Variants in PTPMT1 observed in about 807,000 individuals in gnomAD.
PTPMT1 encodes phosphatidylglycerophosphatase and protein-tyrosine phosphatase 1.
Under a neutral mutation model 17.8 loss-of-function variants are expected in PTPMT1, and 12 were observed. That is an observed-to-expected ratio of 0.67 (90% CI 0.43 to 1.09). PTPMT1 has a LOEUF of 1.09. Among genes scored for constraint, PTPMT1 ranks in the 50% least tolerant of loss-of-function variants. PTPMT1 has a pLI of 0.00. For missense variants in PTPMT1, 262 were observed against 266.0 expected, an observed-to-expected ratio of 0.99 and a Z score of 0.10; for synonymous variants, 132 against 116.8, an observed-to-expected ratio of 1.13 and a Z score of -0.84.
rs190373520 is a variant in PTPMT1 at position 47,568,573 on chromosome 11, T to C, written c.256-1127T>C. On this transcript the variant is annotated intron_variant, in intron 2 of 3. Coordinates refer to ENST00000326674, the MANE Select transcript of PTPMT1 (RefSeq NM_175732.3). ...GGCATGCAGCTGTAGTCACAGCTAC[T>C]TGGGAGGCTGAGGTGGGAGGACTGC... 3.2e-3 allele frequency among the ~76,000 whole-genome samples: 480 copies of C among 152,172 alleles called. 4 individuals carry two copies. The highest frequency in any genetic ancestry group is 0.011 in the African/African-American group (461 of 41,514).
At chr11:47,568,248 T>C (rs2097247449) in intron 2 of PTPMT1, among the ~76,000 whole-genome samples, 1 of 151,790 alleles carries the variant, frequency 6.6e-6, no homozygotes, top group African/African-American at 2.4e-5. Flanking sequence ...ATGATAACCC[T>C]ATTTTCTACC....
Position 47,571,802 on chromosome 11 carries a change from G to A in PTPMT1, c.*173G>A. 1 of 620,220 alleles carries A rather than the reference G, an allele frequency of 1.6e-6. No homozygotes were observed. The highest frequency in any genetic ancestry group is 3.0e-5 in the Admixed American group (1 of 33,416). The allele number at this position is 620,220 out of a possible 1,614,324, so 38.4% of individuals were successfully genotyped here. ...TGTTTTCTTGAAATAACACTGTTGT[G>A]TGGCTAGAAAGGAAAAGATTTAGTG... On this transcript the variant is annotated 3_prime_UTR_variant, in exon 4 of 4. Transcript: ENST00000326674.
At chr11:47,570,368 T>C (rs915329342) in intron 3 of PTPMT1, among the ~76,000 whole-genome samples, 4 of 152,234 alleles carry the variant, frequency 2.6e-5, no homozygotes, top group Non-Finnish European at 5.9e-5. Context: ...AACCTGGGGC[T>C]CTGCTGCCTG....
chr11:47,572,802 G>A lies in PTPMT1; in HGVS notation c.*1173G>A. On this transcript the variant is annotated 3_prime_UTR_variant, in exon 4 of 4. Coordinates refer to ENST00000326674, the MANE Select transcript of PTPMT1 (RefSeq NM_175732.3). The stretch of plus-strand genomic sequence containing the variant: ...AACAGAACACCTCCATGGATTCAGG[G>A]AAGGGCTGAGGCACTGCCTTTCTAG... The A allele has an allele frequency of 1.0e-6, 1 of 963,180 alleles. No homozygotes were observed. Among genetic ancestry groups the A allele is most frequent in the Non-Finnish European group, 1.5e-6 (1 of 655,366 alleles). 59.7% of individuals were successfully genotyped at this position (963,180 alleles called of 1,614,324 possible).
At position 47,565,917 on chromosome 11, in the gene PTPMT1, C is replaced by T. The variant is rs1172585572; in HGVS notation, c.186C>T (p.Asp62=). The part of the protein sequence containing the change: ...LRSLTRQLVQ[D]ENVRGVITMN... ...CTTTGCCTCGGCAGCTGGTACAGGA[C>T]GAGAACGTGCGCGGGGTGATCACCA... Residue 62 remains aspartate, a synonymous_variant, in exon 2 of 4, where the codon GAC becomes GAT. Transcript: ENST00000326674. The T allele has an allele frequency of 1.2e-6, 2 of 1,611,686 alleles. No homozygotes were observed. Among genetic ancestry groups the T allele is most frequent in the East Asian group, 2.2e-5 (1 of 44,610 alleles).
At position 47,565,782 on chromosome 11, in the gene PTPMT1, A is replaced by G; in HGVS notation, c.160A>G (p.Ser54Gly). 1 of 1,591,644 alleles carries G rather than the reference A, an allele frequency of 6.3e-7. No homozygotes were observed. The highest frequency in any genetic ancestry group is 8.5e-7 in the Non-Finnish European group (1 of 1,170,606). The change falls in exon 1 of 4, where the codon AGC (serine) becomes GGC (glycine). Residue 54 changes from serine (S) to glycine (G), a missense_variant. Transcript: ENST00000326674. ...TVLLGALPLR[S>G]LTRQLVQDEN... ...GCTGCTGGGCGCGCTGCCGTTGCGG[A>G]GCTTGACGCGCCAGGTGAGCCGGGC...
chr11:47,566,131 T>G (rs1598775450), intron 2 of PTPMT1, 145 bp downstream of exon 2: 3 of 871,898 alleles, frequency 3.4e-6, no homozygotes, highest in African/African-American at 1.8e-5. Context: ...GGTCTGTGCC[T>G]CTAAATGGCA....
chr11:47,570,186 C>CAAAAAAAAAAAAAAAAAAA (rs548462674), intron 3 of PTPMT1, among the ~76,000 whole-genome samples: 2 of 85,568 alleles, frequency 2.3e-5, no homozygotes, highest in African/African-American at 4.5e-5. Flanking sequence ...GAAACTGTCT[C>CAAAAAAAAAAAAAAAAAAA]AAAAAAAAAA....
chr11:47,571,391 T>G (rs2097249573), intron 3 of PTPMT1, 80 bp from the exon 4 acceptor site: 2 of 1,272,688 alleles, frequency 1.6e-6, no homozygotes, highest in Non-Finnish European at 2.2e-6. Flanking sequence ...TCAGAGTCCT[T>G]TAGCACCTGC....
At position 47,565,756 on chromosome 11, in the gene PTPMT1, T is replaced by G; in HGVS notation, c.134T>G (p.Val45Gly). The change falls in exon 1 of 4, where the codon GTG becomes GGG. Residue 45 changes from valine (V) to glycine (G), a missense_variant. Val to Gly is a moderately radical substitution (Grantham distance 109). Transcript: ENST00000326674. The stretch of plus-strand genomic sequence containing the variant: ...TGGTACCACCGCATCGACCCCACCG[T>G]GCTGCTGGGCGCGCTGCCGTTGCGG... ...RDWYHRIDPT[V>G]LLGALPLRSL... The G allele has an allele frequency of 6.3e-7, 1 of 1,594,868 alleles. No individual in the cohort carries two copies. Among genetic ancestry groups the G allele is most frequent in the South Asian group, 1.1e-5 (1 of 88,240 alleles).
rs751505119 is a variant in PTPMT1, at chr11:47,573,254, A to G, written c.*1625A>G. The G allele has an allele frequency of 1.7e-5, 27 of 1,614,128 alleles. No individual in the cohort carries two copies. Among genetic ancestry groups the G allele is most frequent in the African/African-American group, 4.0e-5 (3 of 75,014 alleles). ...CAAAGGGCAGCACATAGGGCTTCAC[A>G]TGGCATTTGTCTGTCTCTGTGTCAA... On this transcript the variant is annotated 3_prime_UTR_variant, in exon 4 of 4. Coordinates refer to ENST00000326674, the MANE Select transcript of PTPMT1 (RefSeq NM_175732.3). This position sits in a 1 kb window ranked among gnomAD's most constrained non-coding sequence, Gnocchi z 4.1.
At position 47,572,989 on chromosome 11, in the gene PTPMT1, C is replaced by T. The variant is rs3207211; in HGVS notation, c.*1360C>T. The T allele has an allele frequency of 8.9e-4, 1,443 of 1,614,170 alleles. 2 individuals are homozygous for T. Among genetic ancestry groups the T allele is most frequent in the Non-Finnish European group, 1.1e-3 (1,313 of 1,180,032 alleles). ...ACCTTAATACCTCTTGTGACAGTTA[C>T]GGCTGAAGTGGCAGGGTCAAGCTTG... On this transcript the variant is annotated 3_prime_UTR_variant, in exon 4 of 4. Transcript: ENST00000326674.
rs2097242727 is a variant in PTPMT1, at chr11:47,565,795, AGGTGAGCCGGGCC to A, written c.174+2_174+14del. ...CTGCCGTTGCGGAGCTTGACGCGCC[AGGTGAGCCGGGCC>A]GGGGAGCCCGGGCCCCTGCCCCGTC... On this transcript the variant is annotated splice_donor_variant and splice_donor_5th_base_variant and coding_sequence_variant and intron_variant, in exon 1 of 4. Coordinates refer to ENST00000326674, the MANE Select transcript of PTPMT1 (RefSeq NM_175732.3). LOFTEE classifies it high-confidence loss of function. 17 of 1,589,300 alleles carry A rather than the reference AGGTGAGCCGGGCC, an allele frequency of 1.1e-5. No individual in the cohort carries two copies. Among genetic ancestry groups the A allele is most frequent in the Non-Finnish European group, 1.5e-5 (17 of 1,169,160 alleles).
At chr11:47,571,424 C>T (rs757760910) in intron 3 of PTPMT1, 47 bp from the exon 4 acceptor site, 10 of 1,592,766 alleles carry the variant, frequency 6.3e-6, no homozygotes, top group Admixed American at 3.4e-5. Flanking sequence ...GGCACCTTGA[C>T]ACCTGCTTCT....
chr11:47,569,342 C>A (rs1408483790), intron 2 of PTPMT1, among the ~76,000 whole-genome samples: 2 of 143,630 alleles, frequency 1.4e-5, no homozygotes, highest in Non-Finnish European at 1.5e-5. Flanking sequence ...GCTGAGATCA[C>A]GCCACTGTAC....
In PTPMT1 at chr11:47,567,559, C is replaced by CTT. The variant is rs370022255; in HGVS notation, c.255+1591_255+1592dup. Among the ~76,000 whole-genome samples the CTT allele has an allele frequency of 4.0e-3, 468 of 116,136 alleles. 14 individuals are homozygous for CTT. The highest frequency in any genetic ancestry group is 5.8e-3 in the Non-Finnish European group (327 of 56,216). 76.2% of individuals were successfully genotyped at this position (116,136 alleles called of 152,430 possible). ...CAGAGACCTTATTTCTATTTCTTTT[C>CTT]TTTTTTTTTTTTTTTTTTTGAGATG... On this transcript the variant is annotated intron_variant, in intron 2 of 3. Coordinates refer to ENST00000326674, the MANE Select transcript of PTPMT1 (RefSeq NM_175732.3).
chr11:47,571,745 T>TAATA lies in PTPMT1; in HGVS notation c.*117_*120dup. 2 of 906,388 alleles carry TAATA rather than the reference T, an allele frequency of 2.2e-6. No individual in the cohort carries two copies. Among genetic ancestry groups the TAATA allele is most frequent in the Non-Finnish European group, 3.4e-6 (2 of 583,818 alleles). 56.1% of individuals were successfully genotyped at this position (906,388 alleles called of 1,614,324 possible). A position where few individuals can be genotyped will look rare whatever the true frequency, so the allele number is the denominator to read the frequency against. On this transcript the variant is annotated 3_prime_UTR_variant, in exon 4 of 4. Coordinates refer to ENST00000326674, the MANE Select transcript of PTPMT1 (RefSeq NM_175732.3). Reference sequence around the variant, plus strand: ...GACGTAACAGAAATGTGCCAATAGGTAATAGGTAATTTTTCTTTCTCTGAC... The same window carrying TAATA: ...GACGTAACAGAAATGTGCCAATAGGTAATAAATAGGTAATTTTTCTTTCTCTGAC...
In PTPMT1 at chr11:47,573,098, G is replaced by C; in HGVS notation, c.*1469G>C. The C allele has an allele frequency of 2.5e-6, 4 of 1,614,194 alleles. No individual in the cohort carries two copies. Among genetic ancestry groups the C allele is most frequent in the African/African-American group, 1.3e-5 (1 of 75,044 alleles). ...AGCTGGCAATCTTCCAGAGGGATGG[G>C]GCAGAGCTCCAGGCCTCAGGAAGGC... On this transcript the variant is annotated 3_prime_UTR_variant, in exon 4 of 4. Coordinates refer to ENST00000326674, the MANE Select transcript of PTPMT1 (RefSeq NM_175732.3). This position sits in a 1 kb window ranked among gnomAD's most constrained non-coding sequence, Gnocchi z 4.1.
Position 47,571,544 on chromosome 11 carries a change from G to A in PTPMT1, c.521G>A (p.Gly174Asp). Residue 174 changes from glycine to aspartate, a missense_variant, in exon 4 of 4, where the codon GGC (glycine) becomes GAC (aspartate). Coordinates refer to ENST00000326674, the MANE Select transcript of PTPMT1 (RefSeq NM_175732.3). ...CGGTCATACATCCACATCAGGCCTG[G>A]CCAGCTGGATGTTCTTAAAGAGTTC... Reference protein sequence around the residue: ...KIRSYIHIRPGQLDVLKEFHK... With the variant: ...KIRSYIHIRPDQLDVLKEFHK... 6.2e-7 allele frequency: 1 copy of A among 1,613,908 alleles called. No homozygotes were observed. The highest frequency in any genetic ancestry group is 8.5e-7 in the Non-Finnish European group (1 of 1,179,952).
Sources: allele counts gnomAD v4.1 joint callset (sites outside exome capture counted in the v4.1 genomes callset), GRCh38; gene constraint gnomAD v4.1.1; non-coding constraint Gnocchi (gnomAD v3.1); transcripts MANE v1.5; gene names NCBI Gene and HGNC (gene_info 2026-07-23, HGNC 2026-07-21).